Variants in NME7 observed in about 807,000 individuals in gnomAD.
NME7 encodes the protein nucleoside diphosphate kinase 7.
In NME7, 41 loss-of-function variants were observed where a neutral mutation model predicts 49.1. The observed-to-expected ratio is 0.83, with a 90% confidence interval of 0.65 to 1.08. The LOEUF (loss-of-function observed/expected upper bound fraction) is 1.08, where lower values mean the gene tolerates loss of function less well. NME7 is among the 50% of genes least tolerant of loss of function. NME7 has a pLI of 0.00. For missense variants in NME7, 423 were observed against 463.4 expected, an observed-to-expected ratio of 0.91 and a Z score of 0.80; for synonymous variants, 139 against 150.6, an observed-to-expected ratio of 0.92 and a Z score of 0.56.
At chr1:169,224,886 A>G (rs1218899282) in intron 10 of NME7, among the ~76,000 whole-genome samples, 2 of 152,172 alleles carry the variant, frequency 1.3e-5, no homozygotes, top group Non-Finnish European at 2.9e-5. Flanking sequence ...AACAGGTGAT[A>G]TAAAAATAGT....
intron 2 of NME7, 33 bp from the exon 3 acceptor site, chr1:169,323,316 C>A (rs1558038890): frequency 2.1e-6 from 3 of 1,438,892 alleles, no homozygotes; most frequent in Admixed American, 5.3e-5. Context: ...AACAAACAAA[C>A]AAAAAAAGTT....
intron 7 of NME7, among the ~76,000 whole-genome samples, chr1:169,243,683 C>T (rs895999770): frequency 5.3e-5 from 8 of 152,162 alleles, no homozygotes; most frequent in African/African-American, 1.7e-4. Context: ...ATGAAGAAAA[C>T]CATGGGCCCT....
intron 3 of NME7, among the ~76,000 whole-genome samples, chr1:169,322,774 C>T (rs1012072705): frequency 1.6e-4 from 25 of 151,840 alleles, no homozygotes; most frequent in African/African-American, 5.6e-4. Flanking sequence ...GATCAAAGAT[C>T]ATCATTTGAA....
At chr1:169,247,564 G>T (rs1306065992) in intron 7 of NME7, among the ~76,000 whole-genome samples, 2 of 152,104 alleles carry the variant, frequency 1.3e-5, no homozygotes, top group East Asian at 3.8e-4. Flanking sequence ...TGAAGTCTGA[G>T]ATTTTAGTGC....
At chr1:169,309,732 G>A (rs930642403) in intron 4 of NME7, among the ~76,000 whole-genome samples, 3 of 151,738 alleles carry the variant, frequency 2.0e-5, no homozygotes, top group African/African-American at 2.4e-5. Flanking sequence ...ACTCACTTTC[G>A]GTTTTGTATA....
chr1:169,262,014 G>A (rs1188662548), intron 7 of NME7, among the ~76,000 whole-genome samples: 1 of 133,900 alleles, frequency 7.5e-6, no homozygotes, highest in East Asian at 2.0e-4. Flanking sequence ...GTGGTCCAGT[G>A]AACCATAATT....
At chr1:169,278,234 G>C (rs1649829430) in intron 7 of NME7, among the ~76,000 whole-genome samples, 1 of 148,304 alleles carries the variant, frequency 6.7e-6, no homozygotes, top group Non-Finnish European at 1.5e-5. Flanking sequence ...ATGTTGGCCT[G>C]CCTTGCTCGT....
At chr1:169,325,416 A>G (rs1652024250) in intron 1 of NME7, among the ~76,000 whole-genome samples, 1 of 152,162 alleles carries the variant, frequency 6.6e-6, no homozygotes, top group Non-Finnish European at 1.5e-5. Flanking sequence ...TTGGTCACTT[A>G]GGTTGCCTGT....
chr1:169,132,639 A>C lies in NME7; in HGVS notation c.*146T>G. The C allele has an allele frequency of 1.5e-6, 1 of 670,202 alleles. No homozygotes were observed. The highest frequency in any genetic ancestry group is 2.5e-6 in the Non-Finnish European group (1 of 398,434). The allele number at this position is 670,202 out of a possible 1,614,324, so 41.5% of individuals were successfully genotyped here. A position where few individuals can be genotyped will look rare whatever the true frequency, so the allele number is the denominator to read the frequency against. On this transcript the variant is annotated 3_prime_UTR_variant, in exon 12 of 12. Transcript: ENST00000367811. ...GCAAAATCCATGTTCTAACATATGT[A>C]ATAATTGCCAGGAGTACAGTGCTCT... is the stretch of plus-strand genomic sequence containing the variant.
chr1:169,354,394 T>C (rs1653302828), intron 1 of NME7, among the ~76,000 whole-genome samples: 1 of 151,758 alleles, frequency 6.6e-6, no homozygotes, highest in African/African-American at 2.4e-5. Context: ...TAGGGGGTTG[T>C]GGAGTTGAGG....
chr1:169,144,781 T>A (rs1023551163), intron 11 of NME7, among the ~76,000 whole-genome samples: 1 of 152,130 alleles, frequency 6.6e-6, no homozygotes, highest in Non-Finnish European at 1.5e-5. Flanking sequence ...CCATCCCAAT[T>A]ACTGGAAGCT....
rs1246867845 is a variant in NME7, at chr1:169,242,312, A to G, written c.755-4625T>C. 4.6e-5 allele frequency among the ~76,000 whole-genome samples: 7 copies of G among 152,206 alleles called. No individual in the cohort carries two copies. The East Asian group carries it at 1.2e-3, about 25-fold the overall frequency. On this transcript the variant is annotated intron_variant, in intron 7 of 11. Transcript: ENST00000367811. Reference sequence around the variant, plus strand: ...GAACACATCAATATATGTTGATCACATATCTATCTATAGATATATATCTGC... The same window carrying G: ...GAACACATCAATATATGTTGATCACGTATCTATCTATAGATATATATCTGC...
At chr1:169,354,223 G>A (rs1653295495) in intron 1 of NME7, among the ~76,000 whole-genome samples, 1 of 152,054 alleles carries the variant, frequency 6.6e-6, no homozygotes, top group South Asian at 2.1e-4. Flanking sequence ...ATAAAAAAAT[G>A]TGATTCTGTC....
At chr1:169,307,670 G>C (rs997816363) in intron 4 of NME7, among the ~76,000 whole-genome samples, 12 of 152,140 alleles carry the variant, frequency 7.9e-5, no homozygotes, top group African/African-American at 1.2e-4. Flanking sequence ...TAGAAGTATA[G>C]AGACACTAAA....
intron 1 of NME7, among the ~76,000 whole-genome samples, chr1:169,342,167 C>T (rs1652731493): frequency 6.6e-6 from 1 of 152,056 alleles, no homozygotes; most frequent in African/African-American, 2.4e-5. Context: ...GAGGCAGGGA[C>T]CTAGTGGGAG....
chr1:169,357,234 T>C (rs559867989), intron 1 of NME7, among the ~76,000 whole-genome samples: 2 of 151,562 alleles, frequency 1.3e-5, no homozygotes, highest in African/African-American at 4.9e-5. Flanking sequence ...TGTATTTCTC[T>C]TCTTCTCTTT....
At chr1:169,201,222 CTGT>C (rs1421888946) in intron 10 of NME7, among the ~76,000 whole-genome samples, 1 of 152,024 alleles carries the variant, frequency 6.6e-6, no homozygotes, top group African/African-American at 2.4e-5. Context: ...CAGAGCGAGA[CTGT>C]CTCAATAAAT....
chr1:169,230,901 T>C (rs1230180158), intron 9 of NME7, 82 bp from the exon 10 acceptor site: 5 of 914,544 alleles, frequency 5.5e-6, no homozygotes, highest in Non-Finnish European at 8.1e-6. Flanking sequence ...GTTCCACTAA[T>C]GTCCTTAAAG....
intron 1 of NME7, among the ~76,000 whole-genome samples, chr1:169,341,298 T>C (rs931815180): frequency 6.6e-6 from 1 of 152,202 alleles, no homozygotes; most frequent in African/African-American, 2.4e-5. Flanking sequence ...CCCCAAGCCT[T>C]GGCAGCCGAC....
Sources: gnomAD v4.1 joint callset for allele counts (sites outside exome capture counted in the v4.1 genomes callset) on GRCh38, gnomAD v4.1.1 for gene constraint, MANE v1.5 for transcripts, NCBI Gene and HGNC (gene_info 2026-07-23, HGNC 2026-07-21) for gene names.